Variants in TRIP11 observed in about 807,000 individuals in gnomAD.
The protein encoded by TRIP11 is thyroid hormone receptor interactor 11.
In TRIP11, 148 loss-of-function variants were observed where a neutral mutation model predicts 223.1. The observed-to-expected ratio is 0.66, with a 90% confidence interval of 0.58 to 0.76. The LOEUF is 0.76. Among genes scored for constraint, TRIP11 ranks in the 30% least tolerant of loss-of-function variants. The pLI, the probability that TRIP11 is intolerant of heterozygous loss-of-function variation, is 0.00. For missense variants in TRIP11, 2,043 were observed against 2,222.0 expected (o/e 0.92, Z 1.62); for synonymous variants, 762 against 772.6 (o/e 0.99, Z 0.23).
intron 20 of TRIP11, among the ~76,000 whole-genome samples, chr14:91,970,432 T>TA (rs2056387688): frequency 1.4e-5 from 2 of 144,138 alleles, no homozygotes; most frequent in Non-Finnish European, 3.0e-5. Context: ...AAAATTAAAA[T>TA]TAAAAAAAAA....
chr14:92,017,557 G>C (rs1029880873), intron 5 of TRIP11, 125 bp downstream of exon 5: 1 of 758,748 alleles, frequency 1.3e-6, no homozygotes, highest in Non-Finnish European at 2.2e-6. Context: ...AAAAGAAAAA[G>C]AAGTACCATA....
intron 16 of TRIP11, among the ~76,000 whole-genome samples, chr14:91,983,731 C>T (rs1293817460): frequency 1.3e-5 from 2 of 152,158 alleles, no homozygotes; most frequent in African/African-American, 4.8e-5. Context: ...AAAATCACCA[C>T]TTCTGCCAAA....
chr14:92,032,606 G>A (rs370383707), intron 2 of TRIP11, among the ~76,000 whole-genome samples: 24 of 152,196 alleles, frequency 1.6e-4, no homozygotes, highest in East Asian at 1.5e-3. Flanking sequence ...AGGCTAAGGC[G>A]GGTGAATCAC....
chr14:91,971,482 G>A (rs866850546), intron 20 of TRIP11, among the ~76,000 whole-genome samples: 5 of 152,142 alleles, frequency 3.3e-5, no homozygotes, highest in Admixed American at 6.5e-5. Flanking sequence ...ATCAGGCTGG[G>A]CACTGGACTT....
chr14:92,033,785 G>A (rs1044069163), intron 1 of TRIP11, among the ~76,000 whole-genome samples: 1 of 152,204 alleles, frequency 6.6e-6, no homozygotes, highest in Non-Finnish European at 1.5e-5. Context: ...TAGGGTGGGA[G>A]AATTTATTAG....
chr14:91,991,770 C>T (rs866211329), intron 15 of TRIP11, among the ~76,000 whole-genome samples: 2 of 151,882 alleles, frequency 1.3e-5, no homozygotes, highest in African/African-American at 2.4e-5. Context: ...CTCATAAACA[C>T]TATGGTAAGT....
At position 91,968,896 on chromosome 14, in the gene TRIP11, CAG is replaced by C. The variant is rs2056367190; in HGVS notation, c.*775_*776del. On this transcript the variant is annotated 3_prime_UTR_variant, in exon 21 of 21. Coordinates refer to ENST00000267622, the MANE Select transcript of TRIP11 (RefSeq NM_004239.4). ...TGGCAATGATTATGAGAGGGCAACA[CAG>C]GGGGATGCTTGTAATGGAAGTCTTC... 3 of 232,986 alleles carry C rather than the reference CAG, an allele frequency of 1.3e-5. No homozygotes were observed. The highest frequency in any genetic ancestry group is 6.1e-5 in the East Asian group (1 of 16,450). 14.4% of individuals were successfully genotyped at this position (232,986 alleles called of 1,614,324 possible).
At chr14:91,991,484 G>A (rs2056671258) in intron 15 of TRIP11, among the ~76,000 whole-genome samples, 1 of 152,184 alleles carries the variant, frequency 6.6e-6, no homozygotes, top group African/African-American at 2.4e-5. Context: ...TGACAAGGAT[G>A]TAGAACAAGA....
chr14:92,026,612 A>G (rs1276201138), intron 2 of TRIP11: 4 of 1,249,004 alleles, frequency 3.2e-6, no homozygotes, highest in Non-Finnish European at 4.7e-6. Context: ...ACCACCAAGG[A>G]CTTAAAGGAG....
chr14:91,994,448 T>A (rs1163512855), intron 14 of TRIP11, among the ~76,000 whole-genome samples: 1 of 152,080 alleles, frequency 6.6e-6, no homozygotes, highest in Non-Finnish European at 1.5e-5. Context: ...TTCACCACAT[T>A]GGCCAGGCTG....
intron 9 of TRIP11, among the ~76,000 whole-genome samples, chr14:92,010,289 G>A (rs1373400537): frequency 6.6e-6 from 1 of 152,088 alleles, no homozygotes; most frequent in Non-Finnish European, 1.5e-5. Flanking sequence ...TCAACACTTT[G>A]GGAGGCCGAG....
chr14:91,981,643 T>C (rs1355638785), intron 16 of TRIP11, among the ~76,000 whole-genome samples: 1 of 152,256 alleles, frequency 6.6e-6, no homozygotes, highest in Non-Finnish European at 1.5e-5. Flanking sequence ...TCCATCTGCC[T>C]CAGCCTCCCA....
At chr14:91,992,138 G>T (rs1231742925) in intron 15 of TRIP11, among the ~76,000 whole-genome samples, 1 of 135,780 alleles carries the variant, frequency 7.4e-6, no homozygotes, top group Non-Finnish European at 1.6e-5. Flanking sequence ...TTTACATATA[G>T]TTCAAATTCC....
intron 4 of TRIP11, among the ~76,000 whole-genome samples, chr14:92,019,168 T>C (rs186059365): frequency 1.3e-5 from 2 of 152,206 alleles, no homozygotes; most frequent in Non-Finnish European, 2.9e-5. Flanking sequence ...TTTTCAACTT[T>C]ATAGTCTAGT....
chr14:91,968,462 G>C lies in TRIP11; in HGVS notation c.*1211C>G, dbSNP rs1247886365. ...CCACCGTGATAACAGTTGACTCTCG[G>C]ATTGCTGTACCTCATATGTCAACAC... On this transcript the variant is annotated 3_prime_UTR_variant, in exon 21 of 21. Transcript: ENST00000267622. The C allele has an allele frequency of 9.4e-6, 2 of 212,940 alleles. No homozygotes were observed. The highest frequency in any genetic ancestry group is 4.5e-5 in the African/African-American group (2 of 44,134). The allele number at this position is 212,940 out of a possible 1,614,324, so 13.2% of individuals were successfully genotyped here.
intron 1 of TRIP11, among the ~76,000 whole-genome samples, chr14:92,035,060 T>C (rs929622378): frequency 2.0e-5 from 3 of 151,798 alleles, no homozygotes; most frequent in African/African-American, 7.3e-5. Context: ...ATCCCAGCAC[T>C]TTGGGAGGCC....
At position 92,003,730 on chromosome 14, in the gene TRIP11, T is replaced by C; in HGVS notation, c.4246A>G (p.Ile1416Val). Residue 1416 changes from isoleucine (I) to valine (V), a missense_variant, in exon 11 of 21, where the codon ATC becomes GTC. Ile to Val is a conservative substitution (Grantham distance 29, BLOSUM62 3). Transcript: ENST00000267622. ...QKLLKEKDLL[I>V]KAKSDQLLSS... The stretch of plus-strand genomic sequence containing the variant: ...AGTAGTTGATCACTTTTGGCTTTGA[T>C]TAAGAGGTCTTTTTCCTTAAGTAAC... The C allele has an allele frequency of 2.5e-6, 4 of 1,614,214 alleles. No individual in the cohort carries two copies. The highest frequency in any genetic ancestry group is 3.4e-6 in the Non-Finnish European group (4 of 1,180,032).
At chr14:91,976,666 G>A (rs2140084795) in intron 16 of TRIP11, among the ~76,000 whole-genome samples, 1 of 152,316 alleles carries the variant, frequency 6.6e-6, no homozygotes, top group East Asian at 1.9e-4. Flanking sequence ...GGCTCAGGAT[G>A]CAGTGGATAG....
In TRIP11 at chr14:92,039,694, G is replaced by C; in HGVS notation, c.-9C>G. On this transcript the variant is annotated 5_prime_UTR_variant, in exon 1 of 21. Transcript: ENST00000267622. ...CCAAGCCAGGACGACATCGCGGCGA[G>C]TTTAGAGAACGACCCGGTCCGCTCG... 3 of 1,610,644 alleles carry C rather than the reference G, an allele frequency of 1.9e-6. No homozygotes were observed. Among genetic ancestry groups the C allele is most frequent in the Non-Finnish European group, 2.5e-6 (3 of 1,178,594 alleles).
Sources: allele counts gnomAD v4.1 joint callset (sites outside exome capture counted in the v4.1 genomes callset), GRCh38; gene constraint gnomAD v4.1.1; transcripts MANE v1.5; gene names NCBI Gene and HGNC (gene_info 2026-07-23, HGNC 2026-07-21).